DIAPH2: variants seen among roughly 807,000 people sequenced by gnomAD.
The protein encoded by DIAPH2 is protein diaphanous homolog 2.
In DIAPH2, 35 loss-of-function variants were observed where a neutral mutation model predicts 92.7. The observed-to-expected ratio is 0.38, with a 90% CI of 0.29 to 0.50. The LOEUF is 0.50. Among genes scored for constraint, DIAPH2 ranks in the 20% least tolerant of loss-of-function variants. DIAPH2 has a pLI of 0.94. For synonymous variants in DIAPH2, 301 were observed against 280.4 expected (o/e 1.07, Z -0.73); for missense variants, 701 against 819.5 (o/e 0.86, Z 1.77).
At position 96,703,185 on chromosome X, in the gene DIAPH2, C is replaced by A. The variant is rs144697076; in HGVS notation, c.132+17995C>A. Among the ~76,000 whole-genome samples, 5 of 111,382 alleles carry A rather than the reference C, an allele frequency of 4.5e-5. No homozygotes were observed. The East Asian group carries it at 1.4e-3, about 32-fold the overall frequency. On this transcript the variant is annotated intron_variant, in intron 1 of 26. Transcript: ENST00000324765. ...TGATTACATAAGCATTCAGTGCTCACCATAAACAATTTGGAATTCATTCTA... is the reference window on the plus strand; with the variant it reads ...TGATTACATAAGCATTCAGTGCTCAACATAAACAATTTGGAATTCATTCTA...
intron 4 of DIAPH2, among the ~76,000 whole-genome samples, chrX:96,839,195 G>A (rs1261547383): frequency 9.0e-6 from 1 of 111,161 alleles, no homozygotes; most frequent in East Asian, 2.8e-4. Flanking sequence ...AGTCAGATGG[G>A]CTAGATTGAA....
intron 4 of DIAPH2, among the ~76,000 whole-genome samples, chrX:96,823,460 A>G (rs1307836495): frequency 1.8e-5 from 2 of 111,324 alleles, no homozygotes; most frequent in African/African-American, 6.5e-5. Context: ...AGCCAATAGT[A>G]TGACCCCAAT....
chrX:96,728,584 A>G (rs1051089269), intron 1 of DIAPH2, among the ~76,000 whole-genome samples: 11 of 112,210 alleles, frequency 9.8e-5, no homozygotes, highest in Non-Finnish European at 1.9e-4. Flanking sequence ...TCTATGTGCC[A>G]TAAAGTGTTG....
chrX:97,480,707 T>G (rs1203902130), intron 26 of DIAPH2, among the ~76,000 whole-genome samples: 1 of 111,136 alleles, frequency 9.0e-6, no homozygotes, highest in Non-Finnish European at 1.9e-5. Context: ...CCTGATCAGC[T>G]GAATTAGGAT....
chrX:97,390,832 C>T (rs374889780), intron 25 of DIAPH2, among the ~76,000 whole-genome samples: 3 of 111,653 alleles, frequency 2.7e-5, no homozygotes, highest in East Asian at 2.8e-4. Context: ...TCATTGAGAC[C>T]GTAAGATAAA....
At chrX:97,543,567 C>T (rs934031231) in intron 26 of DIAPH2, among the ~76,000 whole-genome samples, 9 of 110,296 alleles carry the variant, frequency 8.2e-5, no homozygotes, top group Non-Finnish European at 1.3e-4. Context: ...TGCAGTGATG[C>T]GATCTTGACT....
At chrX:97,001,822 AT>A (rs2066146692) in intron 17 of DIAPH2, among the ~76,000 whole-genome samples, 1 of 110,790 alleles carries the variant, frequency 9.0e-6, no homozygotes, top group Admixed American at 9.7e-5. Context: ...TGTAGCCTTG[AT>A]TTTTTTTCCA....
At chrX:96,913,102 C>G (rs1418683919) in intron 7 of DIAPH2, among the ~76,000 whole-genome samples, 1 of 110,173 alleles carries the variant, frequency 9.1e-6, no homozygotes, top group Non-Finnish European at 1.9e-5. Context: ...TTCTTCTATT[C>G]AAATATATTG....
intron 17 of DIAPH2, among the ~76,000 whole-genome samples, chrX:97,006,360 A>C (rs775108182): frequency 8.9e-6 from 1 of 112,093 alleles, no homozygotes; most frequent in Non-Finnish European, 1.9e-5. Context: ...AGATCTGTCC[A>C]GTGCTGAAAG....
At chrX:96,890,475 G>A (rs1210441398) in intron 5 of DIAPH2, among the ~76,000 whole-genome samples, 2 of 111,256 alleles carry the variant, frequency 1.8e-5, no homozygotes, top group South Asian at 3.8e-4. Context: ...CTTTAAATAC[G>A]GATGAAAGCA....
intron 23 of DIAPH2, among the ~76,000 whole-genome samples, chrX:97,277,765 C>T (rs1197714746): frequency 2.7e-5 from 3 of 112,191 alleles, no homozygotes; most frequent in African/African-American, 6.5e-5. Flanking sequence ...GTATAATCCA[C>T]GCTATTACTT....
chrX:97,040,279 C>A (rs777609239), intron 17 of DIAPH2, among the ~76,000 whole-genome samples: 2 of 108,359 alleles, frequency 1.8e-5, no homozygotes, highest in Non-Finnish European at 3.8e-5. Context: ...TGCCACCTAA[C>A]GTCTAGATCT....
At chrX:97,553,713 A>C (rs2071237620) in intron 26 of DIAPH2, among the ~76,000 whole-genome samples, 1 of 109,957 alleles carries the variant, frequency 9.1e-6, no homozygotes. Flanking sequence ...TGGCTGGGAA[A>C]GCATAAAGGC....
At chrX:97,545,536 ATATATATAT>A (rs1569421555) in intron 26 of DIAPH2, among the ~76,000 whole-genome samples, 1 of 71,954 alleles carries the variant, frequency 1.4e-5, no homozygotes, top group African/African-American at 6.2e-5. Context: ...AAAAAAAAAT[ATATATATAT>A]ATATATATAT....
chrX:97,251,731 A>T (rs1285916438), intron 23 of DIAPH2, among the ~76,000 whole-genome samples: 1 of 111,688 alleles, frequency 9.0e-6, no homozygotes, highest in Non-Finnish European at 1.9e-5. Flanking sequence ...CCTATGTGAA[A>T]GTCTTTGGTG....
At chrX:97,577,969 T>G (rs1248062579) in intron 26 of DIAPH2, among the ~76,000 whole-genome samples, 1 of 110,673 alleles carries the variant, frequency 9.0e-6, no homozygotes, top group Non-Finnish European at 1.9e-5. Flanking sequence ...TTACCATTTT[T>G]ATTGTTGTTT....
At chrX:96,806,984 C>T (rs938275188) in intron 4 of DIAPH2, among the ~76,000 whole-genome samples, 5 of 111,827 alleles carry the variant, frequency 4.5e-5, no homozygotes, top group African/African-American at 1.6e-4. Flanking sequence ...CCTGGGGATC[C>T]ACCCGCCTCA....
chrX:96,977,269 T>C lies in DIAPH2; in HGVS notation c.2050+12062T>C, dbSNP rs760545740. Among the ~76,000 whole-genome samples, 28 of 112,014 alleles carry C rather than the reference T, an allele frequency of 2.5e-4. No homozygotes were observed. In the South Asian group the frequency reaches 0.01, roughly 40 times the overall value. ...GCTGTACGTTATCCATGGAAAGAAA[T>C]AAGGTTCTTTCTATAATTTAGATTT... On this transcript the variant is annotated intron_variant, in intron 17 of 26. Coordinates refer to ENST00000324765, the MANE Select transcript of DIAPH2 (RefSeq NM_006729.5).
intron 4 of DIAPH2, among the ~76,000 whole-genome samples, chrX:96,873,898 CTA>C (rs913088128): frequency 3.6e-5 from 4 of 110,916 alleles, no homozygotes; most frequent in African/African-American, 1.3e-4. Flanking sequence ...TTTCCAATAT[CTA>C]AAAATAGTTT....
Sources: allele counts gnomAD v4.1 joint callset (sites outside exome capture counted in the v4.1 genomes callset), GRCh38; gene constraint gnomAD v4.1.1; transcripts MANE v1.5; gene names NCBI Gene and HGNC (gene_info 2026-07-23, HGNC 2026-07-21).